Variants in MAML2 observed in about 807,000 individuals in gnomAD.
MAML2 encodes the protein mastermind like transcriptional coactivator 2.
In MAML2, 22 loss-of-function variants were observed where a neutral mutation model predicts 96.1. The ratio of observed to expected loss-of-function variants is 0.23; its 90% CI spans 0.16 to 0.33. The LOEUF is 0.33. MAML2 is among the 10% of genes least tolerant of loss of function. The pLI is 1.00. For synonymous variants in MAML2, 561 were observed against 521.3 expected, an observed-to-expected ratio of 1.08 and a Z score of -1.04; for missense variants, 1,367 against 1,392.4, an observed-to-expected ratio of 0.98 and a Z score of 0.29.
At chr11:96,130,048 A>T (rs1470614967) in intron 1 of MAML2, among the ~76,000 whole-genome samples, 1 of 152,240 alleles carries the variant, frequency 6.6e-6, no homozygotes, top group Non-Finnish European at 1.5e-5. Flanking sequence ...TTCTGAGACC[A>T]TAACTGAACA....
At chr11:96,162,115 A>AAGGGC (rs1861114007) in intron 1 of MAML2, among the ~76,000 whole-genome samples, 1 of 151,886 alleles carries the variant, frequency 6.6e-6, no homozygotes, top group Admixed American at 6.6e-5. Flanking sequence ...AATAAAGTTA[A>AAGGGC]AGGGCATGTA....
chr11:96,203,091 C>T (rs996519702), intron 1 of MAML2, among the ~76,000 whole-genome samples: 3 of 152,178 alleles, frequency 2.0e-5, no homozygotes, highest in Non-Finnish European at 4.4e-5. Context: ...TGTAACATAT[C>T]AGGCTACAAT....
intron 2 of MAML2, among the ~76,000 whole-genome samples, chr11:96,046,938 C>A (rs1858911148): frequency 6.6e-6 from 1 of 152,172 alleles, no homozygotes; most frequent in Non-Finnish European, 1.5e-5. Flanking sequence ...TACTTTCCAA[C>A]AATAAGTTTG....
intron 1 of MAML2, among the ~76,000 whole-genome samples, chr11:96,095,833 C>G (rs1212383737): frequency 6.6e-6 from 1 of 152,178 alleles, no homozygotes; most frequent in African/African-American, 2.4e-5. Flanking sequence ...CAATTTGCAG[C>G]AAGGGGCTAG....
intron 2 of MAML2, among the ~76,000 whole-genome samples, chr11:96,070,149 G>T (rs1267335377): frequency 6.6e-6 from 1 of 151,962 alleles, no homozygotes; most frequent in African/African-American, 2.4e-5. Flanking sequence ...AAATTAGCCG[G>T]CGTGGTGGCG....
chr11:96,070,182 C>T (rs991766932), intron 2 of MAML2, among the ~76,000 whole-genome samples: 67 of 150,498 alleles, frequency 4.5e-4, no homozygotes, highest in African/African-American at 1.5e-3. Context: ...CCCAGCTACT[C>T]GGGAGGCTGA....
chr11:96,019,671 CTGATAATAATAATTATAATAATAA>C (rs1373269476), intron 2 of MAML2, among the ~76,000 whole-genome samples: 24 of 108,440 alleles, frequency 2.2e-4, no homozygotes, highest in East Asian at 3.5e-4. Flanking sequence ...CAGCCAAGGG[CTGATAATAATAATTATAATAATAA>C]TAATAATAAT....
chr11:96,161,892 C>A (rs149111801), intron 1 of MAML2, among the ~76,000 whole-genome samples: 1 of 152,134 alleles, frequency 6.6e-6, no homozygotes, highest in African/African-American at 2.4e-5. Context: ...CATTTTGCAG[C>A]GGAGGAAAGC....
At chr11:96,278,714 T>G (rs79639382) in intron 1 of MAML2, among the ~76,000 whole-genome samples, 17 of 152,286 alleles carry the variant, frequency 1.1e-4, no homozygotes, top group African/African-American at 4.1e-4. Flanking sequence ...CAAATACACT[T>G]TACCTTTCTA....
rs1863990201 is a variant in MAML2 at position 96,341,416 on chromosome 11, G to T, written c.480C>A (p.Thr160=). The change falls in exon 1 of 5, where the codon ACC becomes ACA. Residue 160 remains threonine (T), a synonymous_variant. Transcript: ENST00000524717. Reference sequence around the variant, plus strand: ...GGGCTGAGTTCCTCTGGTCCCCTGGGGTTGAAGCGGGCGGCTGCTGCTCTC... The same window carrying T: ...GGGCTGAGTTCCTCTGGTCCCCTGGTGTTGAAGCGGGCGGCTGCTGCTCTC... The part of the protein sequence containing the change: ...INGEQQPPAS[T]PGDQRNSALI... 6.5e-7 allele frequency: 1 copy of T among 1,544,350 alleles called. No individual in the cohort carries two copies. Among genetic ancestry groups the T allele is most frequent in the East Asian group, 2.4e-5 (1 of 40,834 alleles).
At chr11:96,255,457 A>AAATGTGTG (rs1862650624) in intron 1 of MAML2, among the ~76,000 whole-genome samples, 1 of 152,218 alleles carries the variant, frequency 6.6e-6, no homozygotes, top group Non-Finnish European at 1.5e-5. Context: ...AACACTGTTG[A>AAATGTGTG]GGAAATCAAC....
At chr11:96,056,312 A>G (rs1416129787) in intron 2 of MAML2, among the ~76,000 whole-genome samples, 1 of 148,312 alleles carries the variant, frequency 6.7e-6, no homozygotes, top group African/African-American at 2.5e-5. Context: ...ATTGGAAAGG[A>G]TTCTAAAATT....
rs1859221081 is a variant in MAML2, at chr11:96,064,867, G to A, written c.2139+27025C>T. The stretch of plus-strand genomic sequence containing the variant: ...TGTTAACATAATCTTGGAAACAACT[G>A]ATTTTTTCTCGCTTTTCATATAGAA... On this transcript the variant is annotated intron_variant, in intron 2 of 4. Coordinates refer to ENST00000524717, the MANE Select transcript of MAML2 (RefSeq NM_032427.4). Among the ~76,000 whole-genome samples, 3 of 152,250 alleles carry A rather than the reference G, an allele frequency of 2.0e-5. No homozygotes were observed. The South Asian group carries it at 6.2e-4, about 32-fold the overall frequency.
chr11:96,182,828 G>A (rs932868637), intron 1 of MAML2, among the ~76,000 whole-genome samples: 1 of 152,074 alleles, frequency 6.6e-6, no homozygotes, highest in Non-Finnish European at 1.5e-5. Context: ...GAGAAGGAAT[G>A]GGATGGAGAT....
intron 1 of MAML2, among the ~76,000 whole-genome samples, chr11:96,261,611 A>G (rs1862751678): frequency 6.6e-6 from 1 of 152,240 alleles, no homozygotes; most frequent in South Asian, 2.1e-4. Flanking sequence ...CCTTCTGATA[A>G]TATTGGAGAC....
chr11:96,215,965 A>G lies in MAML2; in HGVS notation c.514-122448T>C, dbSNP rs1018281469. ...ACATTTCAAAAAATTATTATCTAAA[A>G]GCACAGGGGAACAAGTTTAAGGCTG... On this transcript the variant is annotated intron_variant, in intron 1 of 4. Coordinates refer to ENST00000524717, the MANE Select transcript of MAML2 (RefSeq NM_032427.4). Among the ~76,000 whole-genome samples, 11 of 152,180 alleles carry G rather than the reference A, an allele frequency of 7.2e-5. No homozygotes were observed. In the East Asian group the frequency reaches 2.1e-3, roughly 29 times the overall value.
intron 1 of MAML2, among the ~76,000 whole-genome samples, chr11:96,317,909 C>T (rs564454671): frequency 2.9e-4 from 44 of 152,328 alleles, no homozygotes; most frequent in African/African-American, 3.8e-4. Flanking sequence ...AGTGCTTTTA[C>T]GTATCTAAAT....
intron 1 of MAML2, among the ~76,000 whole-genome samples, chr11:96,097,643 G>T (rs1859854408): frequency 6.6e-6 from 1 of 152,148 alleles, no homozygotes; most frequent in African/African-American, 2.4e-5. Context: ...TTAGGTTAAA[G>T]AACTGTTTCA....
intron 1 of MAML2, among the ~76,000 whole-genome samples, chr11:96,217,970 T>TA (rs2135943982): frequency 6.6e-6 from 1 of 152,356 alleles, no homozygotes; most frequent in Admixed American, 6.5e-5. Flanking sequence ...AAATGTGATT[T>TA]AAAATCCCCC....
Sources: allele counts gnomAD v4.1 joint callset (sites outside exome capture counted in the v4.1 genomes callset), GRCh38; gene constraint gnomAD v4.1.1; transcripts MANE v1.5; gene names NCBI Gene and HGNC (gene_info 2026-07-23, HGNC 2026-07-21).